Variants in LMX1A observed in about 807,000 individuals in gnomAD.
LMX1A encodes LIM homeobox transcription factor 1 alpha.
A neutral mutation model predicts 49.1 loss-of-function variants in LMX1A; 15 were observed. The observed-to-expected ratio is 0.31, with a 90% CI of 0.20 to 0.47. The LOEUF (loss-of-function observed/expected upper bound fraction) is 0.47. Among genes scored for constraint, LMX1A ranks in the 20% least tolerant of loss-of-function variants. The pLI, the probability that LMX1A is intolerant of heterozygous loss-of-function variation, is 1.00. For missense variants in LMX1A, 372 were observed against 475.8 expected, an observed-to-expected ratio of 0.78 and a Z score of 2.03; for synonymous variants, 167 against 185.7, an observed-to-expected ratio of 0.90 and a Z score of 0.82.
At chr1:165,271,270 T>G (rs1285556230) in intron 3 of LMX1A, among the ~76,000 whole-genome samples, 2 of 152,182 alleles carry the variant, frequency 1.3e-5, no homozygotes, top group Admixed American at 6.5e-5. Flanking sequence ...GACCCTGTCC[T>G]GTGAGGATGA....
intron 4 of LMX1A, 111 bp downstream of exon 4, chr1:165,249,297 T>A: frequency 4.3e-6 from 3 of 705,060 alleles, no homozygotes; most frequent in Admixed American, 4.7e-5. Context: ...TGCCTTGCCA[T>A]GGAGCTAGGC....
rs1302819085 is a variant in LMX1A, at chr1:165,233,711, C to A, written c.496+15697G>T. ...ATAACATTTAGAACTCTCAGTCATC[C>A]TCAACTTCAACCACTCTTCCTGTAT... On this transcript the variant is annotated intron_variant, in intron 4 of 8. Transcript: ENST00000342310. 2.0e-5 allele frequency among the ~76,000 whole-genome samples: 3 copies of A among 152,176 alleles called. No homozygotes were observed. In the East Asian group the frequency reaches 5.8e-4, roughly 29 times the overall value.
At chr1:165,255,438 T>C (rs769639990) in intron 3 of LMX1A, among the ~76,000 whole-genome samples, 1 of 152,184 alleles carries the variant, frequency 6.6e-6, no homozygotes, top group Non-Finnish European at 1.5e-5. Context: ...AGAGCCTGGG[T>C]TCTCAGGTTC....
chr1:165,240,238 T>C (rs1305389564), intron 4 of LMX1A, among the ~76,000 whole-genome samples: 1 of 152,212 alleles, frequency 6.6e-6, no homozygotes, highest in African/African-American at 2.4e-5. Flanking sequence ...AACATGACTC[T>C]AGAGGAAAAT....
intron 3 of LMX1A, among the ~76,000 whole-genome samples, chr1:165,332,774 C>A (rs1396575087): frequency 3.3e-5 from 5 of 152,178 alleles, no homozygotes; most frequent in African/African-American, 1.2e-4. Flanking sequence ...TTCACTTATT[C>A]TTAGACAGTG....
chr1:165,217,001 A>G (rs1651664646), intron 4 of LMX1A, among the ~76,000 whole-genome samples: 1 of 152,228 alleles, frequency 6.6e-6, no homozygotes, highest in South Asian at 2.1e-4. Flanking sequence ...AAATCACAAT[A>G]ATAATCATTA....
In LMX1A at chr1:165,355,038, C is replaced by T. The variant is rs891057572; in HGVS notation, c.76+446G>A. 2.6e-5 allele frequency among the ~76,000 whole-genome samples: 4 copies of T among 152,170 alleles called. No homozygotes were observed. Among genetic ancestry groups the T allele is most frequent in the Admixed American group, 2.6e-4 (4 of 15,284 alleles). On this transcript the variant is annotated intron_variant, in intron 2 of 8. Coordinates refer to ENST00000342310, the MANE Select transcript of LMX1A (RefSeq NM_177398.4). This position sits in a 1 kb window ranked among gnomAD's most constrained non-coding sequence, Gnocchi z 4.7. The stretch of plus-strand genomic sequence containing the variant: ...CAGAAAAGTCTCTCTCGGCCTTGCC[C>T]ATGGCTGAAATTGGGGCTGGAGTTG...
rs1162188263 is a variant in LMX1A at position 165,203,197 on chromosome 1, T to C, written c.*683A>G. On this transcript the variant is annotated 3_prime_UTR_variant, in exon 9 of 9. Coordinates refer to ENST00000342310, the MANE Select transcript of LMX1A (RefSeq NM_177398.4). ...AGAGAACACCATCAGCCACACAGAA[T>C]TTCTTTCCAGATCTGAAAGACACTC... 6.6e-6 allele frequency: 1 copy of C among 152,614 alleles called. No individual in the cohort carries two copies. Among genetic ancestry groups the C allele is most frequent in the Non-Finnish European group, 1.5e-5 (1 of 68,124 alleles). The allele number at this position is 152,614 out of a possible 1,614,324, so 9.5% of individuals were successfully genotyped here. A position where few individuals can be genotyped will look rare whatever the true frequency, so the allele number is the denominator to read the frequency against.
chr1:165,305,352 G>T (rs1260530850), intron 3 of LMX1A, among the ~76,000 whole-genome samples: 1 of 152,186 alleles, frequency 6.6e-6, no homozygotes. Flanking sequence ...AGGAAAGAGA[G>T]ATGAAGGGAG....
At chr1:165,350,139 C>CTTTGT (rs1159057362) in intron 3 of LMX1A, among the ~76,000 whole-genome samples, 1 of 113,294 alleles carries the variant, frequency 8.8e-6, no homozygotes, top group African/African-American at 3.6e-5. Flanking sequence ...TTCCCATTTA[C>CTTTGT]TTTGTTTGGG....
At chr1:165,313,807 T>C (rs776028641) in intron 3 of LMX1A, among the ~76,000 whole-genome samples, 2 of 152,156 alleles carry the variant, frequency 1.3e-5, no homozygotes, top group African/African-American at 4.8e-5. Context: ...CATAGGAGCA[T>C]ACATGAAAGC....
intron 3 of LMX1A, among the ~76,000 whole-genome samples, chr1:165,279,266 G>A (rs1230053772): frequency 6.6e-6 from 1 of 152,188 alleles, no homozygotes; most frequent in Non-Finnish European, 1.5e-5. Flanking sequence ...CATCCAGTGG[G>A]AAGAGGCCTC....
chr1:165,207,115 T>C (rs1374306403), intron 7 of LMX1A, among the ~76,000 whole-genome samples: 1 of 152,026 alleles, frequency 6.6e-6, no homozygotes, highest in Non-Finnish European at 1.5e-5. Flanking sequence ...AAAGGCAGAA[T>C]CTTGGGGCCC....
At position 165,241,057 on chromosome 1, in the gene LMX1A, C is replaced by T. The variant is rs373276387; in HGVS notation, c.496+8351G>A. Among the ~76,000 whole-genome samples, 58 of 152,218 alleles carry T rather than the reference C, an allele frequency of 3.8e-4. No homozygotes were observed. In the Middle Eastern group the frequency reaches 0.01, roughly 27 times the overall value. ...CAGAAGTAACTTCAAGACTGTTTTT[C>T]CCCCAGTCTTCTGCATTGACTTTCC... On this transcript the variant is annotated intron_variant, in intron 4 of 8. Transcript: ENST00000342310.
intron 5 of LMX1A, chr1:165,211,295 A>C (rs1315498898): frequency 6.6e-6 from 1 of 152,264 alleles, no homozygotes; most frequent in Admixed American, 6.5e-5. Context: ...AGCCCTGCCC[A>C]AAGAGAATAA....
At chr1:165,246,165 T>C (rs1652842972) in intron 4 of LMX1A, among the ~76,000 whole-genome samples, 1 of 152,200 alleles carries the variant, frequency 6.6e-6, no homozygotes, top group African/African-American at 2.4e-5. Context: ...TAGGTACTTA[T>C]TGATCACTTA....
At chr1:165,304,075 G>A (rs1571212128) in intron 3 of LMX1A, among the ~76,000 whole-genome samples, 1 of 152,242 alleles carries the variant, frequency 6.6e-6, no homozygotes, top group African/African-American at 2.4e-5. Flanking sequence ...TGGTTCTACT[G>A]ATCCTCAGTT....
At chr1:165,337,993 T>C (rs1435782486) in intron 3 of LMX1A, among the ~76,000 whole-genome samples, 1 of 151,910 alleles carries the variant, frequency 6.6e-6, no homozygotes, top group African/African-American at 2.4e-5. Flanking sequence ...TCACCCCTTA[T>C]GCACAATTTA....
intron 3 of LMX1A, among the ~76,000 whole-genome samples, chr1:165,279,281 C>G (rs1301096924): frequency 2.0e-5 from 3 of 152,136 alleles, no homozygotes; most frequent in South Asian, 4.1e-4. Context: ...GGCCTCGTCC[C>G]CAATAACTGC....
Sources: gnomAD v4.1 joint callset for allele counts (sites outside exome capture counted in the v4.1 genomes callset) on GRCh38, gnomAD v4.1.1 for gene constraint, Gnocchi (gnomAD v3.1) non-coding constraint, MANE v1.5 for transcripts, NCBI Gene and HGNC (gene_info 2026-07-23, HGNC 2026-07-21) for gene names.